Variants in POU6F1 observed in about 807,000 individuals in gnomAD.
The protein encoded by POU6F1 is POU domain, class 6, transcription factor 1.
Under a neutral mutation model 28.9 loss-of-function variants are expected in POU6F1, and 9 were observed. The observed-to-expected ratio is 0.31, with a 90% CI of 0.19 to 0.54. The LOEUF is 0.54. POU6F1 is among the 20% of genes least tolerant of loss of function. The pLI is 0.94. For missense variants in POU6F1, 338 were observed against 426.1 expected, an observed-to-expected ratio of 0.79 and a Z score of 1.82; for synonymous variants, 173 against 171.1, an observed-to-expected ratio of 1.01 and a Z score of -0.09.
chr12:51,193,923 C>T (rs779765432), intron 8 of POU6F1, among the ~76,000 whole-genome samples: 1 of 152,226 alleles, frequency 6.6e-6, no homozygotes, highest in African/African-American at 2.4e-5. Context: ...AAGTCCATTG[C>T]TTCTTCATCC....
rs1464883480 is a variant in POU6F1, at chr12:51,188,331, C to T, written c.*1916G>A. The T allele has an allele frequency of 6.6e-6, 1 of 152,230 alleles. No individual in the cohort carries two copies. Among genetic ancestry groups the T allele is most frequent in the Non-Finnish European group, 1.5e-5 (1 of 68,040 alleles). The allele number at this position is 152,230 out of a possible 1,614,324, so 9.4% of individuals were successfully genotyped here. On this transcript the variant is annotated 3_prime_UTR_variant, in exon 11 of 11. Transcript: ENST00000333640. ...CACCCCTCCCAAATGAGTCTGTCATCTCATTGAGGCAGGTCGATAACCCTG... is the reference window on the plus strand; with the variant it reads ...CACCCCTCCCAAATGAGTCTGTCATTTCATTGAGGCAGGTCGATAACCCTG...
intron 1 of POU6F1, among the ~76,000 whole-genome samples, chr12:51,208,570 G>T (rs75073150): frequency 6.6e-6 from 1 of 151,930 alleles, no homozygotes; most frequent in Non-Finnish European, 1.5e-5. Flanking sequence ...GTCCTTCCCC[G>T]CAAATTCATG....
Position 51,196,186 on chromosome 12 carries a change from A to T in POU6F1, c.976-13T>A, listed in dbSNP as rs1204542649. 6.7e-7 allele frequency: 1 copy of T among 1,491,668 alleles called. No individual in the cohort carries two copies. The highest frequency in any genetic ancestry group is 8.9e-7 in the Non-Finnish European group (1 of 1,122,690). The allele number at this position is 1,491,668 out of a possible 1,614,324, so 92.4% of individuals were successfully genotyped here. A position where few individuals can be genotyped will look rare whatever the true frequency, so the allele number is the denominator to read the frequency against. ...GGGTTCCAATAACCTGGGAGGAAAT[A>T]AGGCAGGGACCCCAGGTGTGAGGGT... On this transcript the variant is annotated splice_polypyrimidine_tract_variant and intron_variant, in intron 7 of 10. Coordinates refer to ENST00000333640, the MANE Select transcript of POU6F1 (RefSeq NM_001330422.2).
intron 2 of POU6F1, among the ~76,000 whole-genome samples, chr12:51,205,490 C>T (rs570962993): frequency 2.0e-5 from 3 of 152,334 alleles, no homozygotes; most frequent in East Asian, 3.9e-4. Flanking sequence ...CCTGCCCAGA[C>T]GACACACACT....
At chr12:51,202,304 T>A (rs1440708595) in intron 3 of POU6F1, 1 of 152,122 alleles carries the variant, frequency 6.6e-6, no homozygotes, top group African/African-American at 2.4e-5. Context: ...ATAATTAATT[T>A]CCCTCCAAAG....
rs917746966 is a variant in POU6F1 at position 51,188,905 on chromosome 12, G to A, written c.*1342C>T. The A allele has an allele frequency of 6.6e-6, 1 of 152,142 alleles. No homozygotes were observed. The highest frequency in any genetic ancestry group is 1.5e-5 in the Non-Finnish European group (1 of 68,028). The allele number at this position is 152,142 out of a possible 1,614,324, so 9.4% of individuals were successfully genotyped here. A position where few individuals can be genotyped will look rare whatever the true frequency, so the allele number is the denominator to read the frequency against. ...ATCTCAGTTCTCTCCTGACTTCCTG[G>A]AGTTACATACTGAATTTTAGGGGCT... On this transcript the variant is annotated 3_prime_UTR_variant, in exon 11 of 11. Transcript: ENST00000333640.
At chr12:51,194,046 A>C (rs1365247942) in intron 8 of POU6F1, among the ~76,000 whole-genome samples, 1 of 151,584 alleles carries the variant, frequency 6.6e-6, no homozygotes, top group Non-Finnish European at 1.5e-5. Context: ...TTTTTTTTTG[A>C]GACGGAGTCT....
chr12:51,196,256 G>A (rs1942819859), intron 7 of POU6F1, 83 bp from the exon 8 acceptor site: 1 of 1,193,762 alleles, frequency 8.4e-7, no homozygotes, highest in Admixed American at 3.1e-5. Flanking sequence ...ACCACCAGGG[G>A]AACAGACTAA....
At chr12:51,206,095 A>G (rs1488612640) in intron 2 of POU6F1, among the ~76,000 whole-genome samples, 25 of 143,274 alleles carry the variant, frequency 1.7e-4, no homozygotes, top group African/African-American at 5.5e-4. Flanking sequence ...CTGGGATTAT[A>G]GGTGTGAGCC....
At chr12:51,201,427 A>G (rs1943196903) in intron 3 of POU6F1, among the ~76,000 whole-genome samples, 1 of 152,142 alleles carries the variant, frequency 6.6e-6, no homozygotes. Context: ...CTGTAATCCC[A>G]GCACTTTGGG....
chr12:51,199,786 C>T lies in POU6F1; in HGVS notation c.327G>A (p.Ser109=), dbSNP rs889457936. ...GTACAGCCAGTGGCGTCAGGGTCTG[C>T]GATGCCTGAGGCTGGCTTGGGGCTT... The part of the protein sequence containing the change: ...FSQAPSQPQA[S]QTLTPLAVQA... The change falls in exon 4 of 11, where the codon TCG becomes TCA. Residue 109 remains serine (S), a synonymous_variant. Transcript: ENST00000333640. The surrounding 1 kb of genome is among the most constrained non-coding windows in gnomAD (Gnocchi z 4.1). The T allele has an allele frequency of 3.0e-5, 12 of 399,114 alleles. No homozygotes were observed. The highest frequency in any genetic ancestry group is 4.9e-5 in the Non-Finnish European group (11 of 226,202). 24.7% of individuals were successfully genotyped at this position (399,114 alleles called of 1,614,324 possible).
intron 1 of POU6F1, chr12:51,207,489 G>A (rs1452435388): frequency 6.6e-6 from 1 of 152,152 alleles, no homozygotes; most frequent in Admixed American, 6.6e-5. Flanking sequence ...AGAACCCAAT[G>A]GGAATCTGAC....
chr12:51,203,431 C>G (rs553709451), intron 3 of POU6F1, among the ~76,000 whole-genome samples: 2 of 152,220 alleles, frequency 1.3e-5, no homozygotes, highest in South Asian at 4.1e-4. Context: ...CCCATCCTGG[C>G]CTCAACATAG....
intron 8 of POU6F1, among the ~76,000 whole-genome samples, chr12:51,193,858 G>A (rs948724169): frequency 6.6e-6 from 1 of 152,178 alleles, no homozygotes. Flanking sequence ...TTTCTAGGAA[G>A]TACAGATTTC....
intron 8 of POU6F1, 31 bp downstream of exon 8, chr12:51,195,939 C>CGGG: frequency 2.5e-6 from 1 of 396,642 alleles, no homozygotes; most frequent in Non-Finnish European, 4.9e-6. Flanking sequence ...GCAGAGCCTG[C>CGGG]CCCACCCCCC....
chr12:51,207,662 A>C (rs1328047004), intron 1 of POU6F1: 1 of 152,278 alleles, frequency 6.6e-6, no homozygotes, highest in Non-Finnish European at 1.5e-5. Flanking sequence ...ATATCAATTA[A>C]AGTACAGAGT....
intron 2 of POU6F1, among the ~76,000 whole-genome samples, 164 bp downstream of exon 2, chr12:51,206,625 C>T (rs1943642520): frequency 1.3e-5 from 2 of 152,076 alleles, no homozygotes; most frequent in Admixed American, 1.3e-4. Flanking sequence ...ACTCCCCAAA[C>T]CCAGGCCCTG....
At chr12:51,207,004 C>A (rs1943669654) in intron 1 of POU6F1, 121 bp from the exon 2 acceptor site, 2 of 381,152 alleles carry the variant, frequency 5.2e-6, no homozygotes, top group Non-Finnish European at 4.6e-6. Flanking sequence ...TCCCAAGTAT[C>A]TGTAGAGGTT....
intron 2 of POU6F1, among the ~76,000 whole-genome samples, chr12:51,206,092 T>C (rs1240721202): frequency 6.8e-6 from 1 of 147,632 alleles, no homozygotes; most frequent in Non-Finnish European, 1.5e-5. Flanking sequence ...GTGCTGGGAT[T>C]ATAGGTGTGA....
Sources: gnomAD v4.1 joint callset for allele counts (sites outside exome capture counted in the v4.1 genomes callset) on GRCh38, gnomAD v4.1.1 for gene constraint, Gnocchi (gnomAD v3.1) non-coding constraint, MANE v1.5 for transcripts, NCBI Gene and HGNC (gene_info 2026-07-23, HGNC 2026-07-21) for gene names.